POU3F2: variants seen among roughly 807,000 people sequenced by gnomAD.
The protein encoded by POU3F2 is POU domain, class 3, transcription factor 2.
POU3F2 carries 11 observed loss-of-function variants against 33.1 expected under a neutral mutation model. The observed-to-expected ratio is 0.33, with a 90% CI of 0.21 to 0.55. The LOEUF is 0.55. Ranked by LOEUF, POU3F2 falls within the 20% of genes least tolerant of loss-of-function variation. The probability of loss-of-function intolerance (pLI) is 0.91; values close to 1 mark genes in which losing one functional copy is unlikely to be tolerated. For missense variants in POU3F2, 456 were observed against 620.2 expected (o/e 0.74, Z 2.81); for synonymous variants, 332 against 289.6 (o/e 1.15, Z -1.49).
chr6:98,836,110 A>T lies in POU3F2; in HGVS notation c.1237A>T (p.Thr413Ser). 1 of 1,604,636 alleles carries T rather than the reference A, an allele frequency of 6.2e-7. No individual in the cohort carries two copies. The highest frequency in any genetic ancestry group is 8.5e-7 in the Non-Finnish European group (1 of 1,177,728). Residue 413 changes from threonine to serine, a missense_variant, in exon 1 of 1, where the codon ACC becomes TCC. By Grantham distance (58) the Thr-to-Ser change is moderately conservative. This residue lies in a region of POU3F2 where 46 missense variants were observed against 45.6 expected (regional missense o/e 1.01). Transcript: ENST00000328345. ...CAGGAGACAGAAAGAGAAAAGGATG[A>T]CCCCTCCCGGAGGGACTCTGCCGGG... ...CNRRQKEKRM[T>S]PPGGTLPGAE...
At position 98,837,769 on chromosome 6, in the gene POU3F2, C is replaced by T. The variant is rs1194654743; in HGVS notation, c.*1564C>T. ...TTTTTGACCTTATCTTAATGGAAAA[C>T]GGTTAACTCCAAACACAAAAGACTC... is the stretch of plus-strand genomic sequence containing the variant. On this transcript the variant is annotated 3_prime_UTR_variant, in exon 1 of 1. Coordinates refer to ENST00000328345, the MANE Select transcript of POU3F2 (RefSeq NM_005604.4). 6.0e-6 allele frequency: 1 copy of T among 166,702 alleles called. No individual in the cohort carries two copies. 10.3% of individuals were successfully genotyped at this position (166,702 alleles called of 1,614,324 possible).
rs770001103 is a variant in POU3F2, at chr6:98,835,493, C to G, written c.620C>G (p.Pro207Arg). The change falls in exon 1 of 1, where the codon CCG (proline) becomes CGG (arginine). Residue 207 changes from proline to arginine, a missense_variant. By Grantham distance (103) the Pro-to-Arg change is moderately radical. Coordinates refer to ENST00000328345, the MANE Select transcript of POU3F2 (RefSeq NM_005604.4). This position sits in a 1 kb window ranked among gnomAD's most constrained non-coding sequence, Gnocchi z 9.7. ...GGCATGCTGGGCGCCGGCGGGCAGC[C>G]GGCCGGTCTGCACCACCACGGCCTG... ...VNGMLGAGGQ[P>R]AGLHHHGLRD... 1.1e-5 allele frequency: 17 copies of G among 1,564,564 alleles called. No homozygotes were observed. The highest frequency in any genetic ancestry group is 1.3e-5 in the Non-Finnish European group (15 of 1,163,624).
rs917393922 is a variant in POU3F2 at position 98,834,791 on chromosome 6, G to A, written c.-83G>A. ...GAGAGAGGAGACAGAAAGAGCGAGC[G>A]AGGAGAGGGAGCCCGAGGCGAAAAA... On this transcript the variant is annotated 5_prime_UTR_variant, in exon 1 of 1. Transcript: ENST00000328345. The A allele has an allele frequency of 3.4e-6, 5 of 1,454,406 alleles. No individual in the cohort carries two copies. Among genetic ancestry groups the A allele is most frequent in the East Asian group, 2.6e-5 (1 of 38,878 alleles). 90.1% of individuals were successfully genotyped at this position (1,454,406 alleles called of 1,614,324 possible).
In POU3F2 at chr6:98,839,252, A is replaced by T. The variant is rs1770040784; in HGVS notation, c.*3047A>T. On this transcript the variant is annotated 3_prime_UTR_variant, in exon 1 of 1. Transcript: ENST00000328345. ...TGTTTTGGAGAACATCAGTGGAACT[A>T]GGTGGACTTTGATCTCTACCCATAG... 6.6e-6 allele frequency: 1 copy of T among 152,222 alleles called. No homozygotes were observed. The highest frequency in any genetic ancestry group is 2.1e-4 in the South Asian group (1 of 4,828). 9.4% of individuals were successfully genotyped at this position (152,222 alleles called of 1,614,324 possible).
rs1354911953 is a variant in POU3F2 at position 98,836,860 on chromosome 6, A to G, written c.*655A>G. The G allele has an allele frequency of 7.8e-5, 13 of 167,048 alleles. No homozygotes were observed. The Admixed American group carries it at 8.5e-4, about 11-fold the overall frequency. 10.3% of individuals were successfully genotyped at this position (167,048 alleles called of 1,614,324 possible). ...TGCTTTATTCATCGGAGAGAGTTGA[A>G]GCCAGCTCTTGGCCACTCTCCATTT... On this transcript the variant is annotated 3_prime_UTR_variant, in exon 1 of 1. Coordinates refer to ENST00000328345, the MANE Select transcript of POU3F2 (RefSeq NM_005604.4).
At position 98,835,145 on chromosome 6, in the gene POU3F2, C is replaced by G; in HGVS notation, c.272C>G (p.Ser91Cys). 7.7e-7 allele frequency: 1 copy of G among 1,297,586 alleles called. No individual in the cohort carries two copies. Among genetic ancestry groups the G allele is most frequent in the Non-Finnish European group, 9.8e-7 (1 of 1,021,728 alleles). The allele number at this position is 1,297,586 out of a possible 1,614,324, so 80.4% of individuals were successfully genotyped here. A position where few individuals can be genotyped will look rare whatever the true frequency, so the allele number is the denominator to read the frequency against. The change falls in exon 1 of 1, where the codon TCC (serine) becomes TGC (cysteine). Residue 91 changes from serine (S) to cysteine (C), a missense_variant. Coordinates refer to ENST00000328345, the MANE Select transcript of POU3F2 (RefSeq NM_005604.4). The surrounding 1 kb of genome is among the most constrained non-coding windows in gnomAD (Gnocchi z 9.7). ...GGCGGCGGGGGCGGCGGCGACGGCT[C>G]CCCGTGGTCCACCAGCCCCCTGGGC... ...GGGGGGGGDG[S>C]PWSTSPLGQP... is the part of the protein sequence containing the mutation.
At position 98,835,880 on chromosome 6, in the gene POU3F2, A is replaced by T; in HGVS notation, c.1007A>T (p.Asp336Val). The T allele has an allele frequency of 6.2e-7, 1 of 1,614,030 alleles. No individual in the cohort carries two copies. Residue 336 changes from aspartate (D) to valine (V), a missense_variant, in exon 1 of 1, where the codon GAC (aspartate) becomes GTC (valine). By Grantham distance (152) the Asp-to-Val change is radical. Around this residue, in one of 6 missense-constraint regions of POU3F2, gnomAD observed 48 missense variants for 96.0 expected, o/e 0.50. Transcript: ENST00000328345. This position sits in a 1 kb window ranked among gnomAD's most constrained non-coding sequence, Gnocchi z 9.7. ...PLLNKWLEEA[D>V]SSSGSPTSID... is the part of the protein sequence containing the mutation. ...TTGAACAAGTGGTTGGAGGAGGCGGACTCGTCCTCGGGCAGCCCCACGAGC... is the reference window on the plus strand; with the variant it reads ...TTGAACAAGTGGTTGGAGGAGGCGGTCTCGTCCTCGGGCAGCCCCACGAGC...
rs901610884 is a variant in POU3F2, at chr6:98,836,848, G to A, written c.*643G>A. The A allele has an allele frequency of 7.2e-5, 12 of 166,936 alleles. No homozygotes were observed. Among genetic ancestry groups the A allele is most frequent in the African/African-American group, 2.2e-4 (9 of 41,402 alleles). 10.3% of individuals were successfully genotyped at this position (166,936 alleles called of 1,614,324 possible). On this transcript the variant is annotated 3_prime_UTR_variant, in exon 1 of 1. Coordinates refer to ENST00000328345, the MANE Select transcript of POU3F2 (RefSeq NM_005604.4). ...TTTGTTTTGCTTTGCTTTATTCATC[G>A]GAGAGAGTTGAAGCCAGCTCTTGGC...
rs970178891 is a variant in POU3F2, at chr6:98,835,544, A to G, written c.671A>G (p.His224Arg). 3.8e-6 allele frequency: 6 copies of G among 1,585,974 alleles called. No individual in the cohort carries two copies. In the African/African-American group the frequency reaches 6.7e-5, roughly 18 times the overall value. The change falls in exon 1 of 1, where the codon CAT becomes CGT. Residue 224 changes from histidine to arginine, a missense_variant. Around this residue, in one of 6 missense-constraint regions of POU3F2, gnomAD observed 341 missense variants for 382.4 expected, o/e 0.89. Transcript: ENST00000328345. The surrounding 1 kb of genome is among the most constrained non-coding windows in gnomAD (Gnocchi z 9.7). ...CGGGACGCGCACGACGAGCCACACCATGCCGACCACCACCCGCACCCGCAC... is the reference window on the plus strand; with the variant it reads ...CGGGACGCGCACGACGAGCCACACCGTGCCGACCACCACCCGCACCCGCAC... Reference protein sequence around the residue: ...GLRDAHDEPHHADHHPHPHSH... With the variant: ...GLRDAHDEPHRADHHPHPHSH...
In POU3F2 at chr6:98,836,805, G is replaced by A. The variant is rs898484848; in HGVS notation, c.*600G>A. 6.0e-6 allele frequency: 1 copy of A among 166,986 alleles called. No individual in the cohort carries two copies. The highest frequency in any genetic ancestry group is 1.5e-5 in the Non-Finnish European group (1 of 68,126). 10.3% of individuals were successfully genotyped at this position (166,986 alleles called of 1,614,324 possible). On this transcript the variant is annotated 3_prime_UTR_variant, in exon 1 of 1. Transcript: ENST00000328345. ...CTTTCTCCCCACCGTTAATTTGGGA[G>A]TTGCCGTTTTGGGGGATTTTGTTTT... is the stretch of plus-strand genomic sequence containing the variant.
Position 98,835,531 on chromosome 6 carries a change from G to C in POU3F2, c.658G>C (p.Asp220His). 6.4e-7 allele frequency: 1 copy of C among 1,569,496 alleles called. No homozygotes were observed. Among genetic ancestry groups the C allele is most frequent in the Non-Finnish European group, 8.6e-7 (1 of 1,164,838 alleles). Residue 220 changes from aspartate to histidine, a missense_variant, in exon 1 of 1, where the codon GAC becomes CAC. Physicochemically the swap from Asp to His is moderately conservative, Grantham distance 81. This residue lies in a region of POU3F2 where 341 missense variants were observed against 382.4 expected (regional missense o/e 0.89). Transcript: ENST00000328345. The surrounding 1 kb of genome is among the most constrained non-coding windows in gnomAD (Gnocchi z 9.7). ...LHHHGLRDAH[D>H]EPHHADHHPH... The stretch of plus-strand genomic sequence containing the variant: ...CCACCACGGCCTGCGGGACGCGCAC[G>C]ACGAGCCACACCATGCCGACCACCA...
At position 98,835,398 on chromosome 6, in the gene POU3F2, G is replaced by C. The variant is rs764454386; in HGVS notation, c.525G>C (p.Ala175=). ...CATGGCGGAGCGCGGCGGCTGCAGC[G>C]CACCTCCCACCCTCCATGGGAGCGT... ...PGAWRSAAAA[A]HLPPSMGASN... Residue 175 remains alanine (A), a synonymous_variant, in exon 1 of 1, where the codon GCG becomes GCC. Coordinates refer to ENST00000328345, the MANE Select transcript of POU3F2 (RefSeq NM_005604.4). This position sits in a 1 kb window ranked among gnomAD's most constrained non-coding sequence, Gnocchi z 9.7. 8.2e-6 allele frequency: 13 copies of C among 1,578,982 alleles called. No homozygotes were observed. In the South Asian group the frequency reaches 1.5e-4, roughly 18 times the overall value.
Position 98,834,981 on chromosome 6 carries a change from A to G in POU3F2, c.108A>G (p.Glu36=). The G allele has an allele frequency of 6.3e-7, 1 of 1,598,598 alleles. No homozygotes were observed. Among genetic ancestry groups the G allele is most frequent in the East Asian group, 2.2e-5 (1 of 44,536 alleles). ...GMQQGAGGYR[E]AQSLVQGDYG... ...AGCAGGGCGCGGGGGGCTACCGCGA[A>G]GCGCAGAGCCTGGTGCAGGGCGACT... The change falls in exon 1 of 1, where the codon GAA becomes GAG. Residue 36 remains glutamate (E), a synonymous_variant. Transcript: ENST00000328345.
In POU3F2 at chr6:98,835,508, A is replaced by T; in HGVS notation, c.635A>T (p.His212Leu). ...GGCGGGCAGCCGGCCGGTCTGCACC[A>T]CCACGGCCTGCGGGACGCGCACGAC... ...GAGGQPAGLH[H>L]HGLRDAHDEP... Residue 212 changes from histidine (H) to leucine (L), a missense_variant, in exon 1 of 1, where the codon CAC becomes CTC. His to Leu is a moderately conservative substitution (Grantham distance 99). This residue lies in a region of POU3F2 where 341 missense variants were observed against 382.4 expected (regional missense o/e 0.89). Coordinates refer to ENST00000328345, the MANE Select transcript of POU3F2 (RefSeq NM_005604.4). The surrounding 1 kb of genome is among the most constrained non-coding windows in gnomAD (Gnocchi z 9.7). The T allele has an allele frequency of 6.4e-7, 1 of 1,566,560 alleles. No homozygotes were observed. Among genetic ancestry groups the T allele is most frequent in the East Asian group, 2.4e-5 (1 of 41,552 alleles).
In POU3F2 at chr6:98,836,061, G is replaced by A. The variant is rs762798701; in HGVS notation, c.1188G>A (p.Glu396=). 1.2e-6 allele frequency: 2 copies of A among 1,604,416 alleles called. No homozygotes were observed. The highest frequency in any genetic ancestry group is 1.1e-5 in the South Asian group (1 of 89,580). The stretch of plus-strand genomic sequence containing the variant: ...CGGACAGCTTACAGCTGGAGAAGGA[G>A]GTGGTGAGAGTTTGGTTTTGTAACA... ...SLADSLQLEK[E]VVRVWFCNRR... is the part of the protein sequence containing the mutation. Residue 396 remains glutamate (E), a synonymous_variant, in exon 1 of 1, where the codon GAG becomes GAA. Coordinates refer to ENST00000328345, the MANE Select transcript of POU3F2 (RefSeq NM_005604.4).
rs1228954670 is a variant in POU3F2 at position 98,835,009 on chromosome 6, G to C, written c.136G>C (p.Gly46Arg). ...GCAGAGCCTGGTGCAGGGCGACTAC[G>C]GCGCTCTGCAGAGCAACGGACACCC... ...EAQSLVQGDYGALQSNGHPLS... is the reference protein window; with the variant it reads ...EAQSLVQGDYRALQSNGHPLS... The change falls in exon 1 of 1, where the codon GGC becomes CGC. Residue 46 changes from glycine to arginine, a missense_variant. Gly to Arg is a moderately radical substitution (Grantham distance 125). Coordinates refer to ENST00000328345, the MANE Select transcript of POU3F2 (RefSeq NM_005604.4). This position sits in a 1 kb window ranked among gnomAD's most constrained non-coding sequence, Gnocchi z 9.7. The C allele has an allele frequency of 6.9e-6, 11 of 1,587,652 alleles. No homozygotes were observed. The highest frequency in any genetic ancestry group is 1.4e-5 in the African/African-American group (1 of 73,806).
At position 98,835,593 on chromosome 6, in the gene POU3F2, G is replaced by A. The variant is rs1370592222; in HGVS notation, c.720G>A (p.Pro240=). ...HPHSHPHQQP[P]PPPPPQGPPG... ...ACTCGCACCCACACCAGCAGCCGCC[G>A]CCCCCGCCGCCCCCGCAGGGTCCGC... The change falls in exon 1 of 1, where the codon CCG becomes CCA. Residue 240 remains proline (P), a synonymous_variant. Coordinates refer to ENST00000328345, the MANE Select transcript of POU3F2 (RefSeq NM_005604.4). This position sits in a 1 kb window ranked among gnomAD's most constrained non-coding sequence, Gnocchi z 9.7. The A allele has an allele frequency of 6.2e-7, 1 of 1,605,748 alleles. No individual in the cohort carries two copies. The highest frequency in any genetic ancestry group is 2.2e-5 in the East Asian group (1 of 44,698).
rs936990096 is a variant in POU3F2 at position 98,836,480 on chromosome 6, AGAGT to A, written c.*277_*280del. On this transcript the variant is annotated 3_prime_UTR_variant, in exon 1 of 1. Coordinates refer to ENST00000328345, the MANE Select transcript of POU3F2 (RefSeq NM_005604.4). ...GGAGTGTCTCCTGGAGAGAGTGAGG[AGAGT>A]GTGTGATAGCTAGAAAGAGAGAGAG... 6.3e-5 allele frequency: 23 copies of A among 362,316 alleles called. No individual in the cohort carries two copies. The highest frequency in any genetic ancestry group is 7.6e-5 in the Non-Finnish European group (15 of 196,476). 22.4% of individuals were successfully genotyped at this position (362,316 alleles called of 1,614,324 possible).
chr6:98,835,999 T>A lies in POU3F2; in HGVS notation c.1126T>A (p.Cys376Ser). ...GGCTCTGGAGAGCCATTTCCTCAAA[T>A]GCCCCAAGCCCTCGGCCCAGGAGAT... ...KGALESHFLKCPKPSAQEITS... is the reference protein window; with the variant it reads ...KGALESHFLKSPKPSAQEITS... The change falls in exon 1 of 1, where the codon TGC becomes AGC. Residue 376 changes from cysteine to serine, a missense_variant. By Grantham distance (112) the Cys-to-Ser change is moderately radical (BLOSUM62 -1). Around this residue, in one of 6 missense-constraint regions of POU3F2, gnomAD observed 48 missense variants for 96.0 expected, o/e 0.50. Transcript: ENST00000328345. The surrounding 1 kb of genome is among the most constrained non-coding windows in gnomAD (Gnocchi z 9.7). 6.2e-7 allele frequency: 1 copy of A among 1,613,414 alleles called. No individual in the cohort carries two copies. Among genetic ancestry groups the A allele is most frequent in the Non-Finnish European group, 8.5e-7 (1 of 1,179,796 alleles).
Sources: allele counts gnomAD v4.1 joint callset, GRCh38; gene constraint gnomAD v4.1.1; regional missense constraint gnomAD v4.1.1; non-coding constraint Gnocchi (gnomAD v3.1); transcripts MANE v1.5; gene names NCBI Gene and HGNC (gene_info 2026-07-23, HGNC 2026-07-21).